Variants in RIT2 observed in about 807,000 individuals in gnomAD.
RIT2 encodes Ras like without CAAX 2.
RIT2 carries 24 observed loss-of-function variants against 23.7 expected under a neutral mutation model. That is an observed-to-expected ratio of 1.01 (90% CI 0.73 to 1.43). The LOEUF (loss-of-function observed/expected upper bound fraction) is 1.43, where lower values mean the gene tolerates loss of function less well. Among genes scored for constraint, RIT2 ranks in the 40% most tolerant of loss-of-function variants. RIT2 has a pLI of 0.00. For synonymous variants in RIT2, 107 were observed against 91.1 expected (o/e 1.17, Z -0.99); for missense variants, 236 against 266.9 (o/e 0.88, Z 0.81).
intron 4 of RIT2, among the ~76,000 whole-genome samples, chr18:42,813,561 T>C (rs1905910572): frequency 6.6e-6 from 1 of 152,232 alleles, no homozygotes; most frequent in African/African-American, 2.4e-5. Context: ...TATAAGTCAA[T>C]ACTGAGCATC....
intron 1 of RIT2, among the ~76,000 whole-genome samples, chr18:43,110,860 G>T (rs995241192): frequency 2.0e-5 from 3 of 152,004 alleles, no homozygotes; most frequent in African/African-American, 7.2e-5. Context: ...ACTTTATTGT[G>T]TATATTTAAG....
chr18:42,760,568 C>T (rs1465045660), intron 4 of RIT2, among the ~76,000 whole-genome samples: 1 of 152,152 alleles, frequency 6.6e-6, no homozygotes, highest in East Asian at 1.9e-4. Context: ...CTGAGATACA[C>T]TGGAAAAAAG....
At chr18:43,083,262 C>A (rs945883120) in intron 1 of RIT2, among the ~76,000 whole-genome samples, 1 of 152,150 alleles carries the variant, frequency 6.6e-6, no homozygotes, top group Non-Finnish European at 1.5e-5. Context: ...ATTCCATGCT[C>A]ATGGATAGGA....
chr18:42,760,066 C>T (rs1169704473), intron 4 of RIT2, among the ~76,000 whole-genome samples: 11 of 152,098 alleles, frequency 7.2e-5, no homozygotes, highest in East Asian at 1.9e-4. Flanking sequence ...CATAAGCCAC[C>T]GCACCTGGCC....
At chr18:42,922,367 T>C (rs192454084) in intron 4 of RIT2, among the ~76,000 whole-genome samples, 159 of 152,242 alleles carry the variant, frequency 1.0e-3, no homozygotes, top group African/African-American at 3.6e-3. Context: ...CTAATTTAAA[T>C]AGGCTAACAA....
At chr18:42,857,892 A>G (rs1907227884) in intron 4 of RIT2, among the ~76,000 whole-genome samples, 1 of 152,146 alleles carries the variant, frequency 6.6e-6, no homozygotes, top group Non-Finnish European at 1.5e-5. Flanking sequence ...ATTTAATAAC[A>G]TTTGCAGGCT....
intron 4 of RIT2, among the ~76,000 whole-genome samples, chr18:42,846,105 G>A (rs1250534677): frequency 6.6e-6 from 1 of 151,882 alleles, no homozygotes; most frequent in African/African-American, 2.4e-5. Context: ...TTAAAAAACA[G>A]CGATTTAGTT....
In RIT2 at chr18:42,884,660, C is replaced by T. The variant is rs186500354; in HGVS notation, c.426+38912G>A. ...CCTTGAACAATAAACTGGTAACTTG[C>T]TATTATCCATAGATCACAGGTTAAT... On this transcript the variant is annotated intron_variant, in intron 4 of 4. Coordinates refer to ENST00000326695, the MANE Select transcript of RIT2 (RefSeq NM_002930.4). Among the ~76,000 whole-genome samples the T allele has an allele frequency of 1.5e-4, 23 of 152,260 alleles. 1 individual carries two copies. The Middle Eastern group carries it at 0.01, about 68-fold the overall frequency.
chr18:43,000,255 T>C (rs1391568068), intron 2 of RIT2, among the ~76,000 whole-genome samples: 1 of 152,080 alleles, frequency 6.6e-6, no homozygotes. Flanking sequence ...CACAATTTGC[T>C]TTGCATTTTT....
intron 1 of RIT2, among the ~76,000 whole-genome samples, chr18:43,104,658 C>A (rs1913766367): frequency 6.6e-6 from 1 of 151,908 alleles, no homozygotes; most frequent in South Asian, 2.1e-4. Context: ...TGATTTCAGT[C>A]CTAAGATAAT....
chr18:43,114,957 C>T (rs80295767), intron 1 of RIT2, among the ~76,000 whole-genome samples: 1 of 152,110 alleles, frequency 6.6e-6, no homozygotes. Flanking sequence ...GGAAAAAGAA[C>T]CTCCTAATGA....
intron 4 of RIT2, among the ~76,000 whole-genome samples, chr18:42,825,061 T>C (rs1039435379): frequency 2.0e-5 from 3 of 151,914 alleles, no homozygotes; most frequent in African/African-American, 7.2e-5. Flanking sequence ...AATTCATTAA[T>C]CTATTTAGTC....
chr18:42,867,481 G>A (rs1270491310), intron 4 of RIT2, among the ~76,000 whole-genome samples: 1 of 151,990 alleles, frequency 6.6e-6, no homozygotes, highest in African/African-American at 2.4e-5. Context: ...ATCCTAAAAA[G>A]TGCAGGTGAT....
intron 4 of RIT2, among the ~76,000 whole-genome samples, chr18:42,758,604 C>T (rs1391286930): frequency 6.6e-6 from 1 of 151,974 alleles, no homozygotes; most frequent in African/African-American, 2.4e-5. Context: ...ACCTCTGCCT[C>T]CCGGGTTCAG....
chr18:42,903,215 T>C (rs1028826152), intron 4 of RIT2, among the ~76,000 whole-genome samples: 1 of 151,950 alleles, frequency 6.6e-6, no homozygotes, highest in Admixed American at 6.6e-5. Context: ...TCTGATATAA[T>C]AAATAAGCCA....
At chr18:43,096,741 A>G (rs765840153) in intron 1 of RIT2, among the ~76,000 whole-genome samples, 2 of 151,880 alleles carry the variant, frequency 1.3e-5, no homozygotes, top group Non-Finnish European at 2.9e-5. Flanking sequence ...TTTATTCTCA[A>G]CCTTTCTAGG....
chr18:43,088,468 T>C (rs937292761), intron 1 of RIT2, among the ~76,000 whole-genome samples: 1 of 152,196 alleles, frequency 6.6e-6, no homozygotes, highest in African/African-American at 2.4e-5. Context: ...GATACCTCTA[T>C]TGCATAAAAT....
At chr18:42,808,456 C>T (rs11872412) in intron 4 of RIT2, among the ~76,000 whole-genome samples, 8,558 of 152,104 alleles carry the variant, frequency 0.056, 748 homozygotes, top group African/African-American at 0.19. Context: ...ACAGTTCTGT[C>T]TTTAAAGACG....
At chr18:42,886,959 G>T (rs753322086) in intron 4 of RIT2, among the ~76,000 whole-genome samples, 25 of 152,104 alleles carry the variant, frequency 1.6e-4, no homozygotes, top group Non-Finnish European at 3.4e-4. Context: ...CCCAGGTCAG[G>T]TAAGATTGTT....
Sources: gnomAD v4.1 joint callset for allele counts (sites outside exome capture counted in the v4.1 genomes callset) on GRCh38, gnomAD v4.1.1 for gene constraint, MANE v1.5 for transcripts, NCBI Gene and HGNC (gene_info 2026-07-23, HGNC 2026-07-21) for gene names.